The following PCDH15 variants were observed in gnomAD, a reference collection of about 807,000 sequenced individuals.
PCDH15 encodes the protein protocadherin related 15.
Under a neutral mutation model 178.5 loss-of-function variants are expected in PCDH15, and 129 were observed. The observed-to-expected ratio is 0.72, with a 90% confidence interval of 0.63 to 0.84. The LOEUF (loss-of-function observed/expected upper bound fraction) is 0.84, where lower values mean the gene tolerates loss of function less well. Ranked by LOEUF, PCDH15 falls within the 40% of genes least tolerant of loss-of-function variation. The pLI is 0.00. For synonymous variants in PCDH15, 800 were observed against 732.0 expected, an observed-to-expected ratio of 1.09 and a Z score of -1.50; for missense variants, 2,230 against 2,099.9, an observed-to-expected ratio of 1.06 and a Z score of -1.21.
intron 2 of PCDH15, among the ~76,000 whole-genome samples, chr10:55,129,617 A>C (rs2132076046): frequency 6.6e-6 from 1 of 152,200 alleles, no homozygotes; most frequent in South Asian, 2.1e-4. Flanking sequence ...AACCCCAGAT[A>C]ATTAACCTCC....
intron 2 of PCDH15, among the ~76,000 whole-genome samples, chr10:55,166,267 A>G (rs1213782672): frequency 6.6e-6 from 1 of 152,160 alleles, no homozygotes; most frequent in Non-Finnish European, 1.5e-5. Flanking sequence ...AGAGAATGAA[A>G]CAATCAATGA....
chr10:54,054,771 T>C (rs1395091850), intron 18 of PCDH15, among the ~76,000 whole-genome samples: 1 of 152,164 alleles, frequency 6.6e-6, no homozygotes, highest in Non-Finnish European at 1.5e-5. Flanking sequence ...GTAAATATTA[T>C]TATGTAGCAC....
chr10:55,326,921 G>A (rs1844045982), intron 2 of PCDH15, among the ~76,000 whole-genome samples: 1 of 152,138 alleles, frequency 6.6e-6, no homozygotes, highest in Non-Finnish European at 1.5e-5. Context: ...ATGCTGGAAT[G>A]GTTACCACAT....
At chr10:55,239,117 T>G (rs1449952060) in intron 1 of PCDH15, among the ~76,000 whole-genome samples, 2 of 152,178 alleles carry the variant, frequency 1.3e-5, no homozygotes, top group African/African-American at 2.4e-5. Context: ...GTGAAATTTG[T>G]CTTTCGGCTT....
chr10:54,076,464 TTCTC>T (rs904834311), intron 17 of PCDH15, among the ~76,000 whole-genome samples: 1 of 151,876 alleles, frequency 6.6e-6, no homozygotes, highest in Admixed American at 6.6e-5. Flanking sequence ...CTTTCTCTCT[TTCTC>T]TCTCTCTCTT....
intron 23 of PCDH15, among the ~76,000 whole-genome samples, chr10:53,956,458 A>G (rs1207421089): frequency 1.3e-5 from 2 of 152,146 alleles, no homozygotes; most frequent in African/African-American, 4.8e-5. Context: ...ACCTATATAA[A>G]CATTTATATT....
At position 55,384,809 on chromosome 10, in the gene PCDH15, C is replaced by T. The variant is rs1588974497; in HGVS notation, c.-155-218158G>A. 4.6e-5 allele frequency among the ~76,000 whole-genome samples: 7 copies of T among 152,146 alleles called. No homozygotes were observed. The South Asian group carries it at 1.2e-3, about 27-fold the overall frequency. ...GAATTCTTTCTTTACTGTAATAATTCATTACACCTACTGTGGATCAAAGAC... is the reference window on the plus strand; with the variant it reads ...GAATTCTTTCTTTACTGTAATAATTTATTACACCTACTGTGGATCAAAGAC... On this transcript the variant is annotated intron_variant, in intron 2 of 5. Transcript: ENST00000613346.
At chr10:54,887,578 G>A (rs1050201751) in intron 3 of PCDH15, among the ~76,000 whole-genome samples, 1 of 151,936 alleles carries the variant, frequency 6.6e-6, no homozygotes, top group African/African-American at 2.4e-5. Flanking sequence ...GGTCAAAAGA[G>A]TAATGCAAAG....
chr10:54,723,184 T>A (rs1829328183), intron 1 of PCDH15, among the ~76,000 whole-genome samples: 1 of 151,640 alleles, frequency 6.6e-6, no homozygotes, highest in Non-Finnish European at 1.5e-5. Context: ...GATAGCATGC[T>A]ACTAGTACAA....
At chr10:55,454,077 C>A (rs1351850234) in intron 2 of PCDH15, among the ~76,000 whole-genome samples, 1 of 151,958 alleles carries the variant, frequency 6.6e-6, no homozygotes, top group Non-Finnish European at 1.5e-5. Flanking sequence ...ATTCCGTTGA[C>A]CAGACCATAA....
intron 2 of PCDH15, among the ~76,000 whole-genome samples, chr10:55,024,783 C>G (rs1462479965): frequency 6.6e-6 from 1 of 152,068 alleles, no homozygotes; most frequent in Non-Finnish European, 1.5e-5. Flanking sequence ...AGTGTGATCC[C>G]CTCCTGCCAT....
intron 2 of PCDH15, among the ~76,000 whole-genome samples, chr10:54,912,662 G>A (rs1180724758): frequency 6.6e-6 from 1 of 152,164 alleles, no homozygotes; most frequent in East Asian, 1.9e-4. Context: ...TACCAGAGAA[G>A]TAGTACATCA....
chr10:54,960,054 C>A (rs748669909), intron 2 of PCDH15, among the ~76,000 whole-genome samples: 6 of 152,094 alleles, frequency 3.9e-5, no homozygotes, highest in Non-Finnish European at 8.8e-5. Flanking sequence ...AGCGTCCAGT[C>A]TTATGACCTT....
At chr10:54,056,060 A>G (rs2135690014) in intron 18 of PCDH15, among the ~76,000 whole-genome samples, 1 of 152,332 alleles carries the variant, frequency 6.6e-6, no homozygotes, top group East Asian at 1.9e-4. Flanking sequence ...TCTTTTAGGA[A>G]TAAATAAGAT....
At chr10:55,254,141 C>A (rs1171347266) in intron 1 of PCDH15, among the ~76,000 whole-genome samples, 1 of 152,112 alleles carries the variant, frequency 6.6e-6, no homozygotes, top group Non-Finnish European at 1.5e-5. Context: ...AAGTTTGATG[C>A]ATATTGATGT....
intron 21 of PCDH15, among the ~76,000 whole-genome samples, chr10:53,987,378 AAACT>A (rs1282400269): frequency 2.6e-5 from 4 of 152,174 alleles, no homozygotes; most frequent in African/African-American, 9.6e-5. Flanking sequence ...ATACATAAAT[AAACT>A]AAGAGATGCA....
At chr10:54,798,740 C>T (rs1347847867) in intron 1 of PCDH15, among the ~76,000 whole-genome samples, 1 of 151,964 alleles carries the variant, frequency 6.6e-6, no homozygotes, top group African/African-American at 2.4e-5. Flanking sequence ...GTGTTCAAAT[C>T]CTGAGTGAAA....
chr10:54,475,658 T>TA (rs2078226337), intron 3 of PCDH15, among the ~76,000 whole-genome samples: 1 of 151,840 alleles, frequency 6.6e-6, no homozygotes, highest in African/African-American at 2.4e-5. Context: ...TTAGCAGAAA[T>TA]AAAAATCAGT....
At chr10:55,378,131 A>C (rs1318559819) in intron 2 of PCDH15, among the ~76,000 whole-genome samples, 1 of 152,122 alleles carries the variant, frequency 6.6e-6, no homozygotes, top group Non-Finnish European at 1.5e-5. Context: ...TGGGTGCAGC[A>C]GACCACCATG....
Sources: gnomAD v4.1 joint callset for allele counts (sites outside exome capture counted in the v4.1 genomes callset) on GRCh38, gnomAD v4.1.1 for gene constraint, MANE v1.5 for transcripts, NCBI Gene and HGNC (gene_info 2026-07-23, HGNC 2026-07-21) for gene names.